The following CLMN variants were observed in gnomAD, a reference collection of about 807,000 sequenced individuals.
CLMN encodes calmin (calponin-like, transmembrane).
CLMN carries 57 observed loss-of-function variants against 92.7 expected under a neutral mutation model. The observed-to-expected ratio is 0.61, with a 90% CI of 0.50 to 0.77. The LOEUF (loss-of-function observed/expected upper bound fraction) is 0.77. Among genes scored for constraint, CLMN ranks in the 30% least tolerant of loss-of-function variants. CLMN has a pLI of 0.00. For missense variants in CLMN, 1,158 were observed against 1,237.5 expected (o/e 0.94, Z 0.96); for synonymous variants, 466 against 470.6 (o/e 0.99, Z 0.13).
intron 1 of CLMN, among the ~76,000 whole-genome samples, chr14:95,231,518 C>T (rs1308448833): frequency 6.6e-6 from 1 of 152,186 alleles, no homozygotes; most frequent in Admixed American, 6.5e-5. Context: ...CTCATAGGAG[C>T]TTGAAAACAT....
At chr14:95,230,885 T>C (rs879439731) in intron 1 of CLMN, among the ~76,000 whole-genome samples, 2 of 152,204 alleles carry the variant, frequency 1.3e-5, no homozygotes, top group African/African-American at 2.4e-5. Flanking sequence ...GCTGAGCCAA[T>C]GTGAACCGAA....
intron 1 of CLMN, among the ~76,000 whole-genome samples, chr14:95,258,511 T>C (rs1409546522): frequency 1.3e-5 from 2 of 150,344 alleles, no homozygotes; most frequent in African/African-American, 2.5e-5. Flanking sequence ...AGGGTGTGTA[T>C]GTGTGGTGTG....
chr14:95,205,170 T>C (rs1897012675), intron 8 of CLMN, among the ~76,000 whole-genome samples: 1 of 152,194 alleles, frequency 6.6e-6, no homozygotes. Context: ...GACGCTGATA[T>C]GATCAAAACG....
intron 1 of CLMN, among the ~76,000 whole-genome samples, chr14:95,319,196 A>G (rs1407544774): frequency 6.6e-6 from 1 of 151,732 alleles, no homozygotes; most frequent in South Asian, 2.1e-4. Flanking sequence ...GCCTGACCCC[A>G]CCGATCCGAT....
chr14:95,235,282 T>C (rs1044888472), intron 1 of CLMN, among the ~76,000 whole-genome samples: 1 of 152,238 alleles, frequency 6.6e-6, no homozygotes, highest in Non-Finnish European at 1.5e-5. Flanking sequence ...ACTCCAGACC[T>C]ACTGCCTCAC....
chr14:95,223,764 T>C lies in CLMN; in HGVS notation c.236A>G (p.Asn79Ser), dbSNP rs1566877625. The change falls in exon 3 of 13, where the codon AAT (asparagine) becomes AGT (serine). Residue 79 changes from asparagine to serine, a missense_variant. Coordinates refer to ENST00000298912, the MANE Select transcript of CLMN (RefSeq NM_024734.4). Reference protein sequence around the residue: ...MALLEVLSGRNLLHEYKSSSH... With the variant: ...MALLEVLSGRSLLHEYKSSSH... The stretch of plus-strand genomic sequence containing the variant: ...ACCCTTCTGTAACATACGTACCAGA[T>C]TCCGCCCAGACAGGACTTCTAACAA... 6.2e-7 allele frequency: 1 copy of C among 1,612,212 alleles called. No homozygotes were observed. Among genetic ancestry groups the C allele is most frequent in the Non-Finnish European group, 8.5e-7 (1 of 1,178,900 alleles).
At chr14:95,238,649 C>A (rs1045155363) in intron 1 of CLMN, among the ~76,000 whole-genome samples, 1 of 152,198 alleles carries the variant, frequency 6.6e-6, no homozygotes, top group Non-Finnish European at 1.5e-5. Context: ...CTCCACCACC[C>A]CCTGCCACCA....
At chr14:95,279,370 T>C (rs1353463756) in intron 1 of CLMN, among the ~76,000 whole-genome samples, 1 of 152,224 alleles carries the variant, frequency 6.6e-6, no homozygotes, top group Non-Finnish European at 1.5e-5. Flanking sequence ...TTGGAGACAT[T>C]AGATTCTAGA....
At chr14:95,230,313 C>T (rs1365583246) in intron 1 of CLMN, among the ~76,000 whole-genome samples, 180 bp from the exon 2 acceptor site, 1 of 152,258 alleles carries the variant, frequency 6.6e-6, no homozygotes, top group Admixed American at 6.5e-5. Flanking sequence ...ACAACCCATG[C>T]TCCCCAGCCC....
At position 95,209,475 on chromosome 14, in the gene CLMN, T is replaced by A. The variant is rs757824986; in HGVS notation, c.805A>T (p.Ile269Phe). Reference sequence around the variant, plus strand: ...TGCTCGTCTGGTGTGTCAACCATGATGTCTGTCGAGAGAGACACAGGAATT... The same window carrying A: ...TGCTCGTCTGGTGTGTCAACCATGAAGTCTGTCGAGAGAGACACAGGAATT... ...HIPRLLEPED[I>F]MVDTPDEQSI... The change falls in exon 8 of 13, where the codon ATC becomes TTC. Residue 269 changes from isoleucine (I) to phenylalanine (F), a missense_variant and splice_region_variant. Ile to Phe is a conservative substitution (Grantham distance 21). Coordinates refer to ENST00000298912, the MANE Select transcript of CLMN (RefSeq NM_024734.4). The A allele has an allele frequency of 3.7e-6, 6 of 1,613,518 alleles. No individual in the cohort carries two copies. Among genetic ancestry groups the A allele is most frequent in the Non-Finnish European group, 5.1e-6 (6 of 1,179,530 alleles).
rs1246015766 is a variant in CLMN, at chr14:95,183,773, T to C, written c.*7791A>G. ...TGCAAATTTGCAACTGCAGTGAAGT[T>C]TAGAGTGTTTGAAAATAACAGTCCT... On this transcript the variant is annotated 3_prime_UTR_variant, in exon 13 of 13. Coordinates refer to ENST00000298912, the MANE Select transcript of CLMN (RefSeq NM_024734.4). The C allele has an allele frequency of 6.6e-6, 1 of 152,220 alleles. No homozygotes were observed. The highest frequency in any genetic ancestry group is 1.5e-5 in the Non-Finnish European group (1 of 68,032). The allele number at this position is 152,220 out of a possible 1,614,324, so 9.4% of individuals were successfully genotyped here.
Position 95,191,788 on chromosome 14 carries a change from A to AC in CLMN, c.2841-57dup, listed in dbSNP as rs1158596138. On this transcript the variant is annotated intron_variant, in intron 12 of 12. Coordinates refer to ENST00000298912, the MANE Select transcript of CLMN (RefSeq NM_024734.4). This position sits in a 1 kb window ranked among gnomAD's most constrained non-coding sequence, Gnocchi z 5.3. The stretch of plus-strand genomic sequence containing the variant: ...ACCAAGCAGGTTCCCAGGAAAGTGG[A>AC]CCCCACCCAGTGCTACCCGTCTCTC... 58 of 1,532,054 alleles carry AC rather than the reference A, an allele frequency of 3.8e-5. No homozygotes were observed. The highest frequency in any genetic ancestry group is 5.0e-5 in the Non-Finnish European group (57 of 1,139,408). The allele number at this position is 1,532,054 out of a possible 1,614,324, so 94.9% of individuals were successfully genotyped here.
chr14:95,314,454 G>A lies in CLMN; in HGVS notation c.82+5257C>T, dbSNP rs116093305. Among the ~76,000 whole-genome samples, 379 of 152,168 alleles carry A rather than the reference G, an allele frequency of 2.5e-3. 3 individuals are homozygous for A. Among genetic ancestry groups the A allele is most frequent in the African/African-American group, 8.9e-3 (368 of 41,494 alleles). On this transcript the variant is annotated intron_variant, in intron 1 of 12. Coordinates refer to ENST00000298912, the MANE Select transcript of CLMN (RefSeq NM_024734.4). ...ATGCATGCCGGGCTGGAAGGCAGAC[G>A]GCTTTAGGTGGGCACCTGCCCAGGC...
At chr14:95,246,998 G>T (rs555378547) in intron 1 of CLMN, among the ~76,000 whole-genome samples, 1 of 152,206 alleles carries the variant, frequency 6.6e-6, no homozygotes, top group Non-Finnish European at 1.5e-5. Flanking sequence ...GACTCCCAGA[G>T]TTGCTGTTCA....
At chr14:95,252,833 G>A (rs895747399) in intron 1 of CLMN, among the ~76,000 whole-genome samples, 3 of 152,136 alleles carry the variant, frequency 2.0e-5, no homozygotes, top group Admixed American at 2.0e-4. Context: ...ATGCCGGGAG[G>A]GTAAAGCATC....
At chr14:95,283,480 A>G (rs1900218493) in intron 1 of CLMN, among the ~76,000 whole-genome samples, 1 of 152,258 alleles carries the variant, frequency 6.6e-6, no homozygotes, top group Non-Finnish European at 1.5e-5. Context: ...GGTAACAGGC[A>G]GAGGTTGGAA....
chr14:95,248,930 A>G (rs749139712), intron 1 of CLMN, among the ~76,000 whole-genome samples: 57 of 152,312 alleles, frequency 3.7e-4, no homozygotes, highest in Middle Eastern at 3.4e-3. Flanking sequence ...ATAGTGCAGC[A>G]TTTCTGATCT....
chr14:95,307,730 G>A (rs1566925274), intron 1 of CLMN: 1 of 150,180 alleles, frequency 6.7e-6, no homozygotes, highest in Non-Finnish European at 1.5e-5. Flanking sequence ...GCTCTCTCTT[G>A]GAGAGAGCCA....
chr14:95,269,779 C>G (rs897348717), intron 1 of CLMN, among the ~76,000 whole-genome samples: 1 of 152,152 alleles, frequency 6.6e-6, no homozygotes, highest in Non-Finnish European at 1.5e-5. Context: ...GGTCCTGACT[C>G]TAGGTGGGTC....
Sources: gnomAD v4.1 joint callset for allele counts (sites outside exome capture counted in the v4.1 genomes callset) on GRCh38, gnomAD v4.1.1 for gene constraint, Gnocchi (gnomAD v3.1) non-coding constraint, MANE v1.5 for transcripts, NCBI Gene and HGNC (gene_info 2026-07-23, HGNC 2026-07-21) for gene names.